Variants in JAM2 observed in about 807,000 individuals in gnomAD.
JAM2 encodes junctional adhesion molecule B.
A neutral mutation model predicts 42.0 loss-of-function variants in JAM2; 17 were observed. The ratio of observed to expected loss-of-function variants is 0.40; its 90% CI spans 0.28 to 0.61. The LOEUF (loss-of-function observed/expected upper bound fraction) is 0.61. Ranked by LOEUF, JAM2 falls within the 20% of genes least tolerant of loss-of-function variation. The pLI is 0.37. For missense variants in JAM2, 319 were observed against 358.3 expected (o/e 0.89, Z 0.89); for synonymous variants, 118 against 128.6 (o/e 0.92, Z 0.56).
chr21:25,708,113 G>T (rs1217825570), intron 7 of JAM2, among the ~76,000 whole-genome samples: 2 of 152,112 alleles, frequency 1.3e-5, no homozygotes, highest in Non-Finnish European at 2.9e-5. Flanking sequence ...CTCCCAAAAT[G>T]CTAGGATTAC....
chr21:25,678,238 A>T (rs2033545622), intron 1 of JAM2, among the ~76,000 whole-genome samples: 1 of 152,164 alleles, frequency 6.6e-6, no homozygotes, highest in African/African-American at 2.4e-5. Flanking sequence ...AAATTTAAAA[A>T]ATAAAAAATA....
chr21:25,648,142 C>A (rs1347769385), intron 1 of JAM2, among the ~76,000 whole-genome samples: 1 of 151,892 alleles, frequency 6.6e-6, no homozygotes, highest in Non-Finnish European at 1.5e-5. Context: ...ACGTGGGAGG[C>A]GGAGGTTGCA....
intron 2 of JAM2, among the ~76,000 whole-genome samples, chr21:25,685,911 A>G (rs910463356): frequency 5.3e-5 from 8 of 152,236 alleles, no homozygotes; most frequent in African/African-American, 1.9e-4. Context: ...GCTGGGTCCA[A>G]CTGGGTGCAG....
intron 5 of JAM2, among the ~76,000 whole-genome samples, chr21:25,700,869 T>C (rs2034151353): frequency 6.6e-6 from 1 of 152,244 alleles, no homozygotes; most frequent in Non-Finnish European, 1.5e-5. Flanking sequence ...GATTTTACAC[T>C]GAGCAACTGG....
intron 4 of JAM2, among the ~76,000 whole-genome samples, chr21:25,695,207 A>G (rs1324928314): frequency 3.3e-5 from 5 of 152,156 alleles, no homozygotes; most frequent in Non-Finnish European, 7.4e-5. Flanking sequence ...GCCTTCAAGC[A>G]TCTGTTTAAC....
intron 1 of JAM2, among the ~76,000 whole-genome samples, chr21:25,640,642 G>A (rs573765670): frequency 2.0e-5 from 3 of 152,330 alleles, no homozygotes; most frequent in African/African-American, 7.2e-5. Flanking sequence ...TTGAAATCCT[G>A]GGAACGTTGC....
chr21:25,679,335 G>A (rs1439685470), intron 1 of JAM2, among the ~76,000 whole-genome samples: 2 of 152,098 alleles, frequency 1.3e-5, no homozygotes, highest in East Asian at 3.9e-4. Context: ...CAAAATCCTA[G>A]AATTCATGGT....
At chr21:25,699,489 G>A (rs1040827236) in intron 5 of JAM2, among the ~76,000 whole-genome samples, 1 of 151,940 alleles carries the variant, frequency 6.6e-6, no homozygotes, top group African/African-American at 2.4e-5. Flanking sequence ...TTGGGAGGCC[G>A]AGGTGGGCGG....
chr21:25,650,591 G>A (rs1319810698), intron 1 of JAM2, among the ~76,000 whole-genome samples: 1 of 152,136 alleles, frequency 6.6e-6, no homozygotes, highest in African/African-American at 2.4e-5. Flanking sequence ...GATATGTCCT[G>A]ACGTGTGTTT....
At chr21:25,692,676 A>C (rs531246347) in intron 3 of JAM2, 1 of 152,342 alleles carries the variant, frequency 6.6e-6, no homozygotes, top group Admixed American at 6.5e-5. Flanking sequence ...GTTTTAATTC[A>C]CCTTGTATAA....
Position 25,717,517 on chromosome 21 carries a change from T to C in JAM2, c.*2845T>C. Reference sequence around the variant, plus strand: ...TACAACTTTGCAAAGAACTTCCTTTTTCCACAGGTGGCTTTGTTCGATTAA... The same window carrying C: ...TACAACTTTGCAAAGAACTTCCTTTCTCCACAGGTGGCTTTGTTCGATTAA... On this transcript the variant is annotated 3_prime_UTR_variant, in exon 10 of 10. Coordinates refer to ENST00000480456, the MANE Select transcript of JAM2 (RefSeq NM_021219.4). The C allele has an allele frequency of 9.0e-7, 1 of 1,105,460 alleles. No homozygotes were observed. Among genetic ancestry groups the C allele is most frequent in the Non-Finnish European group, 1.2e-6 (1 of 832,066 alleles). The allele number at this position is 1,105,460 out of a possible 1,614,324, so 68.5% of individuals were successfully genotyped here.
intron 1 of JAM2, among the ~76,000 whole-genome samples, chr21:25,673,295 C>A (rs766572874): frequency 1.8e-4 from 28 of 152,060 alleles, no homozygotes; most frequent in Non-Finnish European, 3.2e-4. Flanking sequence ...AAATTTTAAT[C>A]TAGTTGTTTG....
chr21:25,699,987 G>T (rs1374401148), intron 5 of JAM2, among the ~76,000 whole-genome samples: 1 of 152,012 alleles, frequency 6.6e-6, no homozygotes, highest in Non-Finnish European at 1.5e-5. Context: ...ATATTTCCAT[G>T]ACTGTAGATC....
In JAM2 at chr21:25,686,778, C is replaced by G. The variant is rs1280341017; in HGVS notation, c.133+2830C>G. ...TATGTATGATTTTGATGATTTTTAACTTGAGCCCTGAGAATGAAATCAAAG... is the reference window on the plus strand; with the variant it reads ...TATGTATGATTTTGATGATTTTTAAGTTGAGCCCTGAGAATGAAATCAAAG... On this transcript the variant is annotated intron_variant, in intron 2 of 9. Coordinates refer to ENST00000480456, the MANE Select transcript of JAM2 (RefSeq NM_021219.4). Among the ~76,000 whole-genome samples, 9 of 152,318 alleles carry G rather than the reference C, an allele frequency of 5.9e-5. No homozygotes were observed. The East Asian group carries it at 1.7e-3, about 29-fold the overall frequency.
intron 1 of JAM2, among the ~76,000 whole-genome samples, chr21:25,654,106 T>C (rs1487673350): frequency 1.3e-5 from 2 of 152,238 alleles, no homozygotes; most frequent in African/African-American, 4.8e-5. Flanking sequence ...CTTTTAGGCA[T>C]GTATGTGTAA....
chr21:25,660,163 C>T (rs774818243), intron 1 of JAM2, among the ~76,000 whole-genome samples: 3 of 152,092 alleles, frequency 2.0e-5, no homozygotes, highest in African/African-American at 4.8e-5. Context: ...TCAAGTGATC[C>T]GCCCACCTCA....
At chr21:25,678,512 A>C (rs2033551995) in intron 1 of JAM2, among the ~76,000 whole-genome samples, 1 of 152,334 alleles carries the variant, frequency 6.6e-6, no homozygotes, top group South Asian at 2.1e-4. Flanking sequence ...AAAAGATTGC[A>C]TGGACCCCTT....
chr21:25,675,784 G>A (rs746301065), intron 1 of JAM2, among the ~76,000 whole-genome samples: 19 of 152,030 alleles, frequency 1.2e-4, no homozygotes, highest in Admixed American at 3.9e-4. Context: ...CCACCAGCCC[G>A]ACTTCCAGCA....
intron 1 of JAM2, chr21:25,643,565 A>C (rs922136854): frequency 6.6e-6 from 1 of 152,180 alleles, no homozygotes; most frequent in Admixed American, 6.5e-5. Context: ...TACTAGGAAA[A>C]TTCTGCCCTC....
Sources: gnomAD v4.1 joint callset for allele counts (sites outside exome capture counted in the v4.1 genomes callset) on GRCh38, gnomAD v4.1.1 for gene constraint, MANE v1.5 for transcripts, NCBI Gene and HGNC (gene_info 2026-07-23, HGNC 2026-07-21) for gene names.